Variants in CNTLN observed in about 807,000 individuals in gnomAD.
CNTLN encodes the protein centlein, centrosomal protein.
In CNTLN, 212 loss-of-function variants were observed where a neutral mutation model predicts 180.0. That is an observed-to-expected ratio of 1.18 (90% CI 1.05 to 1.32). CNTLN has a LOEUF of 1.32. Ranked by LOEUF, CNTLN falls within the 40% of genes most tolerant of loss-of-function variation. The pLI is 0.00. For synonymous variants in CNTLN, 722 were observed against 563.1 expected (o/e 1.28, Z -3.99); for missense variants, 2,095 against 1,610.9 (o/e 1.30, Z -5.14).
At chr9:17,326,615 A>G (rs576438339) in intron 8 of CNTLN, among the ~76,000 whole-genome samples, 8 of 152,322 alleles carry the variant, frequency 5.3e-5, no homozygotes, top group African/African-American at 1.7e-4. Context: ...AGAAAAGAGT[A>G]GCTTTACAAG....
At chr9:17,320,575 G>A (rs1036990564) in intron 8 of CNTLN, among the ~76,000 whole-genome samples, 1 of 152,050 alleles carries the variant, frequency 6.6e-6, no homozygotes, top group African/African-American at 2.4e-5. Flanking sequence ...TGATCTTGGT[G>A]CACTGCAACC....
chr9:17,433,992 T>C (rs1829599662), intron 18 of CNTLN, among the ~76,000 whole-genome samples: 1 of 135,132 alleles, frequency 7.4e-6, no homozygotes, highest in Non-Finnish European at 1.7e-5. Context: ...TGAATTACAT[T>C]AATAGGTTTC....
At chr9:17,457,926 A>G (rs1831230684) in intron 19 of CNTLN, among the ~76,000 whole-genome samples, 2 of 152,034 alleles carry the variant, frequency 1.3e-5, no homozygotes, top group South Asian at 4.1e-4. Flanking sequence ...ACAAGATACC[A>G]TGAAATCCTA....
Position 17,414,607 on chromosome 9 carries a change from G to C in CNTLN, c.2797-1181G>C, listed in dbSNP as rs1018784629. On this transcript the variant is annotated intron_variant, in intron 16 of 25. Coordinates refer to ENST00000380647, the MANE Select transcript of CNTLN (RefSeq NM_017738.4). ...ATTTTGAGAAATGAAACATTGTTAG[G>C]GTTTTATATTTCTGAAACTAATCAT... 6.6e-5 allele frequency among the ~76,000 whole-genome samples: 10 copies of C among 151,940 alleles called. No homozygotes were observed. In the East Asian group the frequency reaches 1.9e-3, roughly 29 times the overall value.
chr9:17,501,157 A>G (rs993021914), intron 25 of CNTLN, among the ~76,000 whole-genome samples: 5 of 152,184 alleles, frequency 3.3e-5, no homozygotes, highest in African/African-American at 9.7e-5. Flanking sequence ...ATTCATCTGT[A>G]TCTTAAAACT....
At chr9:17,176,690 C>G (rs1425043662) in intron 2 of CNTLN, among the ~76,000 whole-genome samples, 1 of 152,122 alleles carries the variant, frequency 6.6e-6, no homozygotes, top group African/African-American at 2.4e-5. Context: ...TGGTGGAATT[C>G]TTTAGTAAAT....
chr9:17,397,144 T>C (rs995997829), intron 15 of CNTLN, among the ~76,000 whole-genome samples: 6 of 152,258 alleles, frequency 3.9e-5, no homozygotes, highest in African/African-American at 1.4e-4. Flanking sequence ...AATAGTTAGG[T>C]AATTCACTAA....
At chr9:17,369,972 C>T (rs973409893) in intron 13 of CNTLN, among the ~76,000 whole-genome samples, 7 of 144,378 alleles carry the variant, frequency 4.8e-5, no homozygotes, top group South Asian at 4.4e-4. Context: ...GGTGACAAAG[C>T]GAGACTCCAT....
At chr9:17,207,468 C>T (rs1823003046) in intron 2 of CNTLN, among the ~76,000 whole-genome samples, 1 of 152,158 alleles carries the variant, frequency 6.6e-6, no homozygotes, top group Non-Finnish European at 1.5e-5. Flanking sequence ...GCTTGAGACC[C>T]AGGTCCCTGG....
chr9:17,220,814 T>C (rs767372967), intron 2 of CNTLN, among the ~76,000 whole-genome samples: 1 of 152,222 alleles, frequency 6.6e-6, no homozygotes, highest in Non-Finnish European at 1.5e-5. Context: ...CCACAGTGTA[T>C]ATGTACCACA....
In CNTLN at chr9:17,185,774, T is replaced by A. The variant is rs187561386; in HGVS notation, c.450-40429T>A. Among the ~76,000 whole-genome samples, 178 of 142,584 alleles carry A rather than the reference T, an allele frequency of 1.2e-3. 1 individual carries two copies. The highest frequency in any genetic ancestry group is 4.7e-3 in the African/African-American group (177 of 37,570). The allele number at this position is 142,584 out of a possible 152,430, so 93.5% of individuals were successfully genotyped here. A position where few individuals can be genotyped will look rare whatever the true frequency, so the allele number is the denominator to read the frequency against. On this transcript the variant is annotated intron_variant, in intron 2 of 25. Transcript: ENST00000380647. ...TGCTTTTTGAAATGTTTCCCATTTG[T>A]GTGTGTGTGTGTGTGTGTGTGTGTG...
At chr9:17,238,973 G>C (rs1825323109) in intron 5 of CNTLN, among the ~76,000 whole-genome samples, 1 of 152,124 alleles carries the variant, frequency 6.6e-6, no homozygotes, top group Admixed American at 6.6e-5. Context: ...ATCAACACTT[G>C]TAATTGTTTG....
chr9:17,151,284 T>G (rs1818857040), intron 2 of CNTLN, among the ~76,000 whole-genome samples: 1 of 152,234 alleles, frequency 6.6e-6, no homozygotes, highest in East Asian at 1.9e-4. Flanking sequence ...GCTATGGATT[T>G]CTCATAAATA....
intron 25 of CNTLN, among the ~76,000 whole-genome samples, chr9:17,494,231 T>A (rs989767716): frequency 1.3e-5 from 2 of 152,140 alleles, no homozygotes; most frequent in African/African-American, 4.8e-5. Flanking sequence ...TTGCTACTAG[T>A]CTCCCCAGAA....
chr9:17,185,682 A>G (rs1255261064), intron 2 of CNTLN, among the ~76,000 whole-genome samples: 3 of 152,088 alleles, frequency 2.0e-5, no homozygotes, highest in Admixed American at 1.3e-4. Context: ...TGCAAAACAC[A>G]TGGAAAGATC....
At chr9:17,403,885 C>A (rs901494583) in intron 15 of CNTLN, among the ~76,000 whole-genome samples, 1 of 151,758 alleles carries the variant, frequency 6.6e-6, no homozygotes, top group African/African-American at 2.4e-5. Flanking sequence ...AAGCGATTCT[C>A]GTGCTTCAGC....
At chr9:17,330,550 A>G (rs888542282) in intron 8 of CNTLN, 82 bp from the exon 9 acceptor site, 2 of 731,406 alleles carry the variant, frequency 2.7e-6, no homozygotes, top group Non-Finnish European at 4.1e-6. Flanking sequence ...TCTATAATAT[A>G]GTGTTACATT....
At chr9:17,481,254 C>A (rs561552053) in intron 23 of CNTLN, among the ~76,000 whole-genome samples, 8 of 152,164 alleles carry the variant, frequency 5.3e-5, no homozygotes, top group Admixed American at 5.2e-4. Context: ...AACCCATTGA[C>A]CCTGCCAGAC....
At chr9:17,470,347 C>CT (rs1327459053) in intron 23 of CNTLN, among the ~76,000 whole-genome samples, 1 of 151,908 alleles carries the variant, frequency 6.6e-6, no homozygotes, top group Non-Finnish European at 1.5e-5. Context: ...ACATTATGAT[C>CT]ACCAGGACTC....
Sources: gnomAD v4.1 joint callset for allele counts (sites outside exome capture counted in the v4.1 genomes callset) on GRCh38, gnomAD v4.1.1 for gene constraint, MANE v1.5 for transcripts, NCBI Gene and HGNC (gene_info 2026-07-23, HGNC 2026-07-21) for gene names.